Variants in KIF26B observed in about 807,000 individuals in gnomAD.
KIF26B encodes the protein kinesin family member 26B.
Under a neutral mutation model 151.2 loss-of-function variants are expected in KIF26B, and 63 were observed. The ratio of observed to expected loss-of-function variants is 0.42; its 90% confidence interval spans 0.34 to 0.51. KIF26B has a LOEUF of 0.51. Ranked by LOEUF, KIF26B falls within the 20% of genes least tolerant of loss-of-function variation. The probability of loss-of-function intolerance (pLI) is 0.07; values close to 1 mark genes in which losing one functional copy is unlikely to be tolerated. For synonymous variants in KIF26B, 1,357 were observed against 1,262.1 expected (o/e 1.08, Z -1.59); for missense variants, 2,813 against 2,913.6 (o/e 0.97, Z 0.79).
chr1:245,628,898 C>T (rs1170004989), intron 9 of KIF26B, among the ~76,000 whole-genome samples: 2 of 152,200 alleles, frequency 1.3e-5, no homozygotes, highest in Non-Finnish European at 2.9e-5. Flanking sequence ...GCAACTTCAG[C>T]AAATTCTCAG....
chr1:245,381,514 C>A (rs1673408685), intron 3 of KIF26B, among the ~76,000 whole-genome samples: 1 of 152,118 alleles, frequency 6.6e-6, no homozygotes, highest in Non-Finnish European at 1.5e-5. Context: ...TTTAACTCAT[C>A]AGCTATCATT....
At chr1:245,700,335 G>T (rs2044753170) in intron 14 of KIF26B, among the ~76,000 whole-genome samples, 1 of 152,096 alleles carries the variant, frequency 6.6e-6, no homozygotes, top group Non-Finnish European at 1.5e-5. Flanking sequence ...ACACTGCTTG[G>T]CCCAGGATGA....
chr1:245,334,800 C>A (rs910101699), intron 2 of KIF26B, among the ~76,000 whole-genome samples: 1 of 152,186 alleles, frequency 6.6e-6, no homozygotes, highest in Admixed American at 6.5e-5. Context: ...AAGTACTTTC[C>A]ATAACTGCTG....
chr1:245,181,502 A>G (rs1166868148), intron 2 of KIF26B, among the ~76,000 whole-genome samples: 2 of 141,638 alleles, frequency 1.4e-5, no homozygotes, highest in East Asian at 4.3e-4. Flanking sequence ...GGAGAGAAAA[A>G]CGTAGTAAAG....
In KIF26B at chr1:245,687,324, A is replaced by G. The variant is rs765393214; in HGVS notation, c.4341A>G (p.Glu1447=). The stretch of plus-strand genomic sequence containing the variant: ...ACCCGTGGCTGAAACGAGAAGAGGA[A>G]GTGAAAAAAGAGACGGCTCATCCCA... ...FEDPWLKREE[E]VKKETAHPNE... is the part of the protein sequence containing the mutation. The change falls in exon 12 of 15, where the codon GAA becomes GAG. Residue 1447 remains glutamate, a synonymous_variant. Coordinates refer to ENST00000407071, the MANE Select transcript of KIF26B (RefSeq NM_018012.4). This position sits in a 1 kb window ranked among gnomAD's most constrained non-coding sequence, Gnocchi z 4.9. 1 of 1,601,550 alleles carries G rather than the reference A, an allele frequency of 6.2e-7. No individual in the cohort carries two copies. The highest frequency in any genetic ancestry group is 1.1e-5 in the South Asian group (1 of 88,922).
chr1:245,269,189 T>C lies in KIF26B; in HGVS notation c.466-97645T>C, dbSNP rs1207067147. On this transcript the variant is annotated intron_variant, in intron 2 of 14. Transcript: ENST00000407071. The stretch of plus-strand genomic sequence containing the variant: ...CAAAATGCTGCTCCCACCGAACGGC[T>C]CCTCTCCCCCTCCTCCTCCCACCCA... Among the ~76,000 whole-genome samples, 40 of 104,316 alleles carry C rather than the reference T, an allele frequency of 3.8e-4. No homozygotes were observed. The East Asian group carries it at 4.1e-3, about 11-fold the overall frequency. The allele number at this position is 104,316 out of a possible 152,430, so 68.4% of individuals were successfully genotyped here. A position where few individuals can be genotyped will look rare whatever the true frequency, so the allele number is the denominator to read the frequency against.
rs549064768 is a variant in KIF26B at position 245,702,215 on chromosome 1, C to G, written c.6179-243C>G. 1.3e-5 allele frequency among the ~76,000 whole-genome samples: 2 copies of G among 152,216 alleles called. No individual in the cohort carries two copies. The highest frequency in any genetic ancestry group is 4.2e-4 in the South Asian group (2 of 4,818). On this transcript the variant is annotated intron_variant, in intron 14 of 14. Coordinates refer to ENST00000407071, the MANE Select transcript of KIF26B (RefSeq NM_018012.4). The surrounding 1 kb of genome is among the most constrained non-coding windows in gnomAD (Gnocchi z 4.1). ...GAGGTAGGGGGAGCTAGAATGTCAC[C>G]TTATTGGTCAGTAGAATCTCAGAAA...
chr1:245,660,588 A>T (rs866140083), intron 10 of KIF26B, among the ~76,000 whole-genome samples: 14 of 151,824 alleles, frequency 9.2e-5, no homozygotes, highest in Non-Finnish European at 1.6e-4. Flanking sequence ...TGATCCTCCC[A>T]TCTTGGCCTC....
At chr1:245,365,577 A>C (rs1672929805) in intron 2 of KIF26B, among the ~76,000 whole-genome samples, 1 of 150,756 alleles carries the variant, frequency 6.6e-6, no homozygotes, top group African/African-American at 2.5e-5. Flanking sequence ...TACCCCATGC[A>C]AGCTGACAGT....
chr1:245,292,286 A>T (rs1671265580), intron 2 of KIF26B, among the ~76,000 whole-genome samples: 1 of 152,170 alleles, frequency 6.6e-6, no homozygotes, highest in Non-Finnish European at 1.5e-5. Context: ...CTCAGCCTTG[A>T]GTGCACATGG....
chr1:245,605,853 G>A (rs372670821), intron 6 of KIF26B, among the ~76,000 whole-genome samples: 11 of 152,234 alleles, frequency 7.2e-5, no homozygotes, highest in East Asian at 5.8e-4. Flanking sequence ...GTCTCCTCTC[G>A]CCCCCGGCCT....
chr1:245,577,636 A>G (rs1274340458), intron 5 of KIF26B, among the ~76,000 whole-genome samples: 1 of 150,614 alleles, frequency 6.6e-6, no homozygotes. Context: ...TACACGGAAG[A>G]GCTTTGTGGA....
At chr1:245,357,757 G>A (rs1672731528) in intron 2 of KIF26B, among the ~76,000 whole-genome samples, 1 of 152,138 alleles carries the variant, frequency 6.6e-6, no homozygotes, top group Non-Finnish European at 1.5e-5. Flanking sequence ...TGAGACAGAG[G>A]GAGGCTGGTG....
chr1:245,246,086 C>T (rs1193097716), intron 2 of KIF26B, among the ~76,000 whole-genome samples: 4 of 121,322 alleles, frequency 3.3e-5, no homozygotes, highest in South Asian at 3.1e-4. Flanking sequence ...AGCGAGACTC[C>T]GTCTCAAAAA....
At chr1:245,158,720 A>G (rs889040220) in intron 2 of KIF26B, among the ~76,000 whole-genome samples, 2 of 152,208 alleles carry the variant, frequency 1.3e-5, no homozygotes, top group Non-Finnish European at 2.9e-5. Context: ...ATTTGGTGCA[A>G]GGGCATAGAC....
intron 9 of KIF26B, among the ~76,000 whole-genome samples, chr1:245,640,210 A>C (rs1230206159): frequency 7.0e-6 from 1 of 143,618 alleles, no homozygotes; most frequent in Non-Finnish European, 1.5e-5. Context: ...CCTCTTTCAG[A>C]ATTGACTCCT....
At chr1:245,399,924 T>TA (rs555802153) in intron 3 of KIF26B, among the ~76,000 whole-genome samples, 1 of 152,080 alleles carries the variant, frequency 6.6e-6, no homozygotes, top group African/African-American at 2.4e-5. Context: ...AAGTTTACTT[T>TA]AAAAAAAATC....
intron 4 of KIF26B, among the ~76,000 whole-genome samples, chr1:245,475,508 G>A (rs74920699): frequency 0.077 from 11,611 of 151,754 alleles, 623 homozygotes; most frequent in Middle Eastern, 0.17. Context: ...GATTGCACCA[G>A]TGCATTCCAG....
intron 4 of KIF26B, among the ~76,000 whole-genome samples, chr1:245,519,163 A>G (rs1340778693): frequency 6.7e-6 from 1 of 149,444 alleles, no homozygotes; most frequent in Non-Finnish European, 1.5e-5. Context: ...GTCCTGTAAT[A>G]GAATATTTAC....
Sources: gnomAD v4.1 joint callset for allele counts (sites outside exome capture counted in the v4.1 genomes callset) on GRCh38, gnomAD v4.1.1 for gene constraint, Gnocchi (gnomAD v3.1) non-coding constraint, MANE v1.5 for transcripts, NCBI Gene and HGNC (gene_info 2026-07-23, HGNC 2026-07-21) for gene names.